JAK2: variants seen among roughly 807,000 people sequenced by gnomAD.
JAK2 encodes Janus kinase 2.
In JAK2, 86 loss-of-function variants were observed where a neutral mutation model predicts 139.3. That is an observed-to-expected ratio of 0.62 (90% CI 0.52 to 0.74). The LOEUF (loss-of-function observed/expected upper bound fraction) is 0.74, where lower values mean the gene tolerates loss of function less well. Among genes scored for constraint, JAK2 ranks in the 30% least tolerant of loss-of-function variants. JAK2 has a pLI of 0.00. For missense variants in JAK2, 1,421 were observed against 1,360.3 expected, an observed-to-expected ratio of 1.04 and a Z score of -0.70; for synonymous variants, 490 against 437.7, an observed-to-expected ratio of 1.12 and a Z score of -1.49.
intron 22 of JAK2, among the ~76,000 whole-genome samples, chr9:5,121,913 G>A (rs952914725): frequency 1.3e-5 from 2 of 152,112 alleles, no homozygotes; most frequent in Non-Finnish European, 2.9e-5. Flanking sequence ...AGGGAATAGT[G>A]CTGTCTTCAA....
intron 22 of JAK2, chr9:5,111,611 G>A: frequency 2.7e-6 from 1 of 370,156 alleles, no homozygotes; most frequent in Admixed American, 3.7e-5. Flanking sequence ...GGGCCAGGTG[G>A]GCTTTGGCCC....
At chr9:5,060,579 G>A (rs1475585705) in intron 8 of JAK2, among the ~76,000 whole-genome samples, 1 of 152,186 alleles carries the variant, frequency 6.6e-6, no homozygotes, top group African/African-American at 2.4e-5. Context: ...TCATGAGATT[G>A]TAGCAATTCA....
chr9:5,082,788 T>C (rs1819799828), intron 19 of JAK2, among the ~76,000 whole-genome samples: 1 of 152,258 alleles, frequency 6.6e-6, no homozygotes, highest in African/African-American at 2.4e-5. Flanking sequence ...GTACACATTT[T>C]GTTAACAAGG....
intron 22 of JAK2, among the ~76,000 whole-genome samples, chr9:5,104,670 G>C (rs935091076): frequency 6.6e-6 from 1 of 152,114 alleles, no homozygotes; most frequent in Non-Finnish European, 1.5e-5. Flanking sequence ...TAAAATACTG[G>C]CAAACCCAAT....
intron 11 of JAK2, 87 bp from the exon 12 acceptor site, chr9:5,069,838 T>C (rs2130528072): frequency 1.3e-6 from 1 of 797,970 alleles, no homozygotes; most frequent in Non-Finnish European, 1.9e-6. Flanking sequence ...TTCTTATACG[T>C]AGAACACATT....
intron 8 of JAK2, among the ~76,000 whole-genome samples, chr9:5,062,535 C>T (rs1185205656): frequency 4.1e-5 from 4 of 97,716 alleles, no homozygotes; most frequent in African/African-American, 6.8e-5. Flanking sequence ...AAAAAAAGGT[C>T]ATATCTGCAA....
At chr9:5,117,993 C>A (rs1010437864) in intron 22 of JAK2, among the ~76,000 whole-genome samples, 3 of 152,052 alleles carry the variant, frequency 2.0e-5, no homozygotes, top group South Asian at 4.1e-4. Context: ...TAATTTTTTT[C>A]TTTGTAAGTA....
At chr9:5,060,480 ACATTCACAG>A (rs1199843256) in intron 8 of JAK2, among the ~76,000 whole-genome samples, 1 of 152,222 alleles carries the variant, frequency 6.6e-6, no homozygotes, top group East Asian at 1.9e-4. Flanking sequence ...CTTTTCAACA[ACATTCACAG>A]CATCTTCACC....
intron 3 of JAK2, among the ~76,000 whole-genome samples, chr9:5,028,013 A>G (rs1396316220): frequency 6.6e-6 from 1 of 152,210 alleles, no homozygotes; most frequent in Non-Finnish European, 1.5e-5. Context: ...ACCTCCTCTC[A>G]TGAACTACAA....
chr9:5,114,132 G>GGT, intron 22 of JAK2: 1 of 375,780 alleles, frequency 2.7e-6, no homozygotes, highest in Admixed American at 3.4e-5. Context: ...CACCTATCAA[G>GGT]GTAACACCTT....
At chr9:5,076,406 C>T (rs1177163594) in intron 14 of JAK2, among the ~76,000 whole-genome samples, 1 of 152,152 alleles carries the variant, frequency 6.6e-6, no homozygotes, top group African/African-American at 2.4e-5. Flanking sequence ...CTTTAAGCAG[C>T]CACCACCATG....
At chr9:5,087,923 G>A (rs1306898814) in intron 19 of JAK2, among the ~76,000 whole-genome samples, 2 of 151,968 alleles carry the variant, frequency 1.3e-5, no homozygotes, top group East Asian at 1.9e-4. Context: ...TAGTGCATTC[G>A]TGTGACAATA....
chr9:5,058,335 G>A (rs1167503370), intron 8 of JAK2, among the ~76,000 whole-genome samples: 1 of 152,192 alleles, frequency 6.6e-6, no homozygotes, highest in East Asian at 1.9e-4. Flanking sequence ...GGCAGAAGGT[G>A]AAGGGCAAGG....
intron 4 of JAK2, among the ~76,000 whole-genome samples, chr9:5,030,501 A>G (rs1303013189): frequency 6.6e-6 from 1 of 152,164 alleles, no homozygotes; most frequent in Admixed American, 6.5e-5. Context: ...TATATAATTC[A>G]TCATAACTTC....
At chr9:5,070,727 C>G (rs1054481854) in intron 12 of JAK2, among the ~76,000 whole-genome samples, 4 of 151,952 alleles carry the variant, frequency 2.6e-5, no homozygotes, top group Non-Finnish European at 4.4e-5. Flanking sequence ...TGAAAAAAAC[C>G]CACATATAAA....
chr9:5,091,125 C>G (rs1262924810), intron 22 of JAK2: 2 of 394,662 alleles, frequency 5.1e-6, no homozygotes, highest in Non-Finnish European at 4.5e-6. Context: ...TAAGTGTTGT[C>G]TTATTTATAG....
At chr9:5,091,437 G>A (rs150213183) in intron 22 of JAK2, 2,193 of 152,386 alleles carry the variant, frequency 0.014, 25 homozygotes, top group Non-Finnish European at 0.019. Flanking sequence ...TGGTGATCAC[G>A]GTTGATTTTA....
intron 4 of JAK2, among the ~76,000 whole-genome samples, chr9:5,036,088 C>T (rs1823577968): frequency 6.6e-6 from 1 of 152,168 alleles, no homozygotes. Context: ...CCACCAATAA[C>T]AGACAAACAG....
At chr9:5,100,597 A>AT (rs1296329101) in intron 22 of JAK2, 1 of 152,148 alleles carries the variant, frequency 6.6e-6, no homozygotes, top group Non-Finnish European at 1.5e-5. Context: ...CCCAACAGGC[A>AT]TTTTTCCCCT....
Sources: gnomAD v4.1 joint callset for allele counts (sites outside exome capture counted in the v4.1 genomes callset) on GRCh38, gnomAD v4.1.1 for gene constraint, MANE v1.5 for transcripts, NCBI Gene and HGNC (gene_info 2026-07-23, HGNC 2026-07-21) for gene names.